Variants in CACNA1A observed in about 807,000 individuals in gnomAD.
CACNA1A encodes calcium voltage-gated channel subunit alpha1 A, also known as voltage-dependent P/Q-type calcium channel subunit alpha-1A.
CACNA1A carries 57 observed loss-of-function variants against 262.4 expected under a neutral mutation model. That is an observed-to-expected ratio of 0.22 (90% CI 0.18 to 0.27). CACNA1A has a LOEUF of 0.27. CACNA1A is among the 10% of genes least tolerant of loss of function. The probability of loss-of-function intolerance (pLI) is 1.00; values close to 1 mark genes in which losing one functional copy is unlikely to be tolerated. For missense variants in CACNA1A, 2,526 were observed against 3,562.8 expected (o/e 0.71, Z 7.41); for synonymous variants, 1,431 against 1,419.3 (o/e 1.01, Z -0.18).
In CACNA1A at chr19:13,469,701, C is replaced by T. The variant is rs544224188; in HGVS notation, c.294-14489G>A. 1.4e-4 allele frequency among the ~76,000 whole-genome samples: 21 copies of T among 150,864 alleles called. No individual in the cohort carries two copies. The Middle Eastern group carries it at 0.01, about 73-fold the overall frequency. On this transcript the variant is annotated intron_variant, in intron 1 of 46. Coordinates refer to ENST00000360228, the MANE Select transcript of CACNA1A (RefSeq NM_001127222.2). The stretch of plus-strand genomic sequence containing the variant: ...GTCTCGATCGCCTGACCTTGTGATC[C>T]GCCCGCCTCGGCTCCCCAAAGTGCT...
In CACNA1A at chr19:13,432,586, C is replaced by T. The variant is rs923714316; in HGVS notation, c.539+20290G>A. Among the ~76,000 whole-genome samples the T allele has an allele frequency of 3.3e-5, 5 of 151,568 alleles. No individual in the cohort carries two copies. In the East Asian group the frequency reaches 5.8e-4, roughly 18 times the overall value. On this transcript the variant is annotated intron_variant, in intron 3 of 46. Coordinates refer to ENST00000360228, the MANE Select transcript of CACNA1A (RefSeq NM_001127222.2). ...AAGTTTCAGTCAGACAGGAGGAATA[C>T]GTTTTAGAGATCTTTTGCACAGCAT... is the stretch of plus-strand genomic sequence containing the variant.
chr19:13,384,786 G>A (rs2059581413), intron 3 of CACNA1A, among the ~76,000 whole-genome samples: 1 of 152,098 alleles, frequency 6.6e-6, no homozygotes, highest in South Asian at 2.1e-4. Flanking sequence ...GGTCTCCAGG[G>A]CCGCACAGAG....
In CACNA1A at chr19:13,365,489, G is replaced by A; in HGVS notation, c.632-20C>T. The A allele has an allele frequency of 1.9e-6, 3 of 1,611,722 alleles. No homozygotes were observed. Among genetic ancestry groups the A allele is most frequent in the Non-Finnish European group, 2.5e-6 (3 of 1,178,504 alleles). ...GTAAACCTGGGGGGACACAGAGAGAGGCCCCATAAGCCCATGAGCAAGTAC... is the reference window on the plus strand; with the variant it reads ...GTAAACCTGGGGGGACACAGAGAGAAGCCCCATAAGCCCATGAGCAAGTAC... On this transcript the variant is annotated intron_variant, in intron 4 of 46. Transcript: ENST00000360228.
At position 13,207,267 on chromosome 19, in the gene CACNA1A, T is replaced by C. The variant is rs1378484154; in HGVS notation, c.*46A>G. ...TGCGCGGCTCCTCGGGTGGGGTGTGTGCGTGGGGTGCGTGGGGGGCCGGGC... is the reference window on the plus strand; with the variant it reads ...TGCGCGGCTCCTCGGGTGGGGTGTGCGCGTGGGGTGCGTGGGGGGCCGGGC... On this transcript the variant is annotated 3_prime_UTR_variant, in exon 47 of 47. Transcript: ENST00000360228. This position sits in a 1 kb window ranked among gnomAD's most constrained non-coding sequence, Gnocchi z 5.7. The C allele has an allele frequency of 2.7e-6, 4 of 1,499,550 alleles. No individual in the cohort carries two copies. Among genetic ancestry groups the C allele is most frequent in the Non-Finnish European group, 3.5e-6 (4 of 1,128,370 alleles). 92.9% of individuals were successfully genotyped at this position (1,499,550 alleles called of 1,614,324 possible).
chr19:13,499,992 C>A (rs887773605), intron 1 of CACNA1A, among the ~76,000 whole-genome samples: 7 of 152,086 alleles, frequency 4.6e-5, no homozygotes, highest in African/African-American at 1.7e-4. Flanking sequence ...CCCTACGCAC[C>A]CAACAGATGC....
chr19:13,209,235 G>A, intron 45 of CACNA1A, 77 bp downstream of exon 45: 1 of 1,412,042 alleles, frequency 7.1e-7, no homozygotes, highest in Non-Finnish European at 9.3e-7. Flanking sequence ...CTTCCTTAGT[G>A]TCTCCTCCGC....
At chr19:13,424,759 G>T (rs1364934461) in intron 3 of CACNA1A, among the ~76,000 whole-genome samples, 1 of 151,920 alleles carries the variant, frequency 6.6e-6, no homozygotes, top group African/African-American at 2.4e-5. Flanking sequence ...ACAGGCATAA[G>T]TCATAGTTCT....
chr19:13,465,779 G>A (rs538888442), intron 1 of CACNA1A, among the ~76,000 whole-genome samples: 38 of 152,298 alleles, frequency 2.5e-4, no homozygotes, highest in African/African-American at 9.1e-4. Context: ...GTAAGCCACT[G>A]TGTCCAGCCA....
At position 13,506,296 on chromosome 19, in the gene CACNA1A, G is replaced by A. The variant is rs1024690714; in HGVS notation, c.-72C>T. The A allele has an allele frequency of 5.3e-6, 7 of 1,318,238 alleles. No homozygotes were observed. Among genetic ancestry groups the A allele is most frequent in the East Asian group, 2.9e-5 (1 of 34,132 alleles). 81.7% of individuals were successfully genotyped at this position (1,318,238 alleles called of 1,614,324 possible). ...GGAAGACGCCGCCGCCGCCGCCGCC[G>A]CCGCTGATGCTGAGGCTGCCGGGGC... On this transcript the variant is annotated 5_prime_UTR_variant, in exon 1 of 47. Transcript: ENST00000360228.
At chr19:13,238,822 G>A (rs2055969458) in intron 31 of CACNA1A, among the ~76,000 whole-genome samples, 1 of 152,036 alleles carries the variant, frequency 6.6e-6, no homozygotes, top group South Asian at 2.1e-4. Flanking sequence ...CCTGACCTCA[G>A]GTGATCTTCC....
intron 29 of CACNA1A, among the ~76,000 whole-genome samples, chr19:13,253,918 T>G (rs1211458440): frequency 6.6e-6 from 1 of 152,012 alleles, no homozygotes; most frequent in African/African-American, 2.4e-5. Flanking sequence ...TTTTGTATTT[T>G]TAGTAGAGAC....
chr19:13,323,866 C>T (rs573670494), intron 10 of CACNA1A, among the ~76,000 whole-genome samples: 1 of 152,268 alleles, frequency 6.6e-6, no homozygotes, highest in Admixed American at 6.5e-5. Flanking sequence ...ATGGAGCTTT[C>T]TCCTTATGTT....
intron 30 of CACNA1A, among the ~76,000 whole-genome samples, chr19:13,248,239 T>A (rs2056300712): frequency 6.6e-6 from 1 of 151,906 alleles, no homozygotes; most frequent in Admixed American, 6.6e-5. Context: ...AGCTCCCCTC[T>A]ATCTCCCAAA....
chr19:13,320,236 T>TTGAGAGAGAGAG (rs1491579757), intron 10 of CACNA1A, among the ~76,000 whole-genome samples: 5 of 73,518 alleles, frequency 6.8e-5, no homozygotes, highest in African/African-American at 2.5e-4. Context: ...GTTCCACAGA[T>TTGAGAGAGAGAG]CGAGAGAGAG....
intron 24 of CACNA1A, chr19:13,272,370 C>T (rs1308281552): frequency 6.6e-6 from 1 of 152,404 alleles, no homozygotes; most frequent in South Asian, 2.1e-4. Context: ...CTGAGCAGAC[C>T]TTGCCCCAGA....
Position 13,380,514 on chromosome 19 carries a change from G to C in CACNA1A, c.540-8735C>G, listed in dbSNP as rs549766455. Among the ~76,000 whole-genome samples, 5 of 150,392 alleles carry C rather than the reference G, an allele frequency of 3.3e-5. No homozygotes were observed. The South Asian group carries it at 1.1e-3, about 32-fold the overall frequency. On this transcript the variant is annotated intron_variant, in intron 3 of 46. Coordinates refer to ENST00000360228, the MANE Select transcript of CACNA1A (RefSeq NM_001127222.2). The stretch of plus-strand genomic sequence containing the variant: ...TGCAAAAAATTAGCTGGGCGTGGCG[G>C]TGGGCATCTGTAATCCCAGCTACTC...
chr19:13,216,804 C>A (rs1405584222), intron 38 of CACNA1A, among the ~76,000 whole-genome samples: 1 of 152,078 alleles, frequency 6.6e-6, no homozygotes, highest in Non-Finnish European at 1.5e-5. Flanking sequence ...CACATTCTGA[C>A]AGTCAGAATG....
rs1207564258 is a variant in CACNA1A at position 13,347,059 on chromosome 19, G to GTTTTTTTTTTT, written c.979-11151_979-11150insAAAAAAAAAAA. Among the ~76,000 whole-genome samples the GTTTTTTTTTTT allele has an allele frequency of 1.5e-3, 85 of 58,408 alleles. 2 individuals are homozygous for GTTTTTTTTTTT. The highest frequency in any genetic ancestry group is 3.2e-3 in the South Asian group (3 of 940). The allele number at this position is 58,408 out of a possible 152,430, so 38.3% of individuals were successfully genotyped here. On this transcript the variant is annotated intron_variant, in intron 6 of 46. Transcript: ENST00000360228. ...TTGTTCCTTCAGGTCTGTTTTTTTT[G>GTTTTTTTTTTT]TTTTTTTGTTTTTTTTTTTTGAGAC...
chr19:13,502,958 C>T (rs1484596428), intron 1 of CACNA1A, among the ~76,000 whole-genome samples: 4 of 152,158 alleles, frequency 2.6e-5, no homozygotes, highest in East Asian at 1.9e-4. Context: ...CTTTCCATAT[C>T]GACCTGCAAC....
Sources: gnomAD v4.1 joint callset for allele counts (sites outside exome capture counted in the v4.1 genomes callset) on GRCh38, gnomAD v4.1.1 for gene constraint, Gnocchi (gnomAD v3.1) non-coding constraint, MANE v1.5 for transcripts, NCBI Gene and HGNC (gene_info 2026-07-23, HGNC 2026-07-21) for gene names.